BEND3: variants seen among roughly 807,000 people sequenced by gnomAD.
BEND3 encodes the protein BEN domain containing 3.
BEND3 carries 13 observed loss-of-function variants against 60.1 expected under a neutral mutation model. The observed-to-expected ratio is 0.22, with a 90% CI of 0.14 to 0.34. BEND3 has a LOEUF of 0.34. Ranked by LOEUF, BEND3 falls within the 10% of genes least tolerant of loss-of-function variation. The probability of loss-of-function intolerance (pLI) is 1.00; values close to 1 mark genes in which losing one functional copy is unlikely to be tolerated. For missense variants in BEND3, 896 were observed against 1,138.1 expected (o/e 0.79, Z 3.06); for synonymous variants, 497 against 491.5 (o/e 1.01, Z -0.15).
At chr6:107,105,795 G>A (rs2115035097) in intron 1 of BEND3, among the ~76,000 whole-genome samples, 1 of 152,322 alleles carries the variant, frequency 6.6e-6, no homozygotes. Flanking sequence ...GCCAGTCCAG[G>A]AAGACCTGGC....
At chr6:107,095,391 G>C (rs1775564078) in intron 3 of BEND3, among the ~76,000 whole-genome samples, 1 of 152,088 alleles carries the variant, frequency 6.6e-6, no homozygotes, top group Non-Finnish European at 1.5e-5. Context: ...ATACCTATTA[G>C]AATGGTCAAA....
At chr6:107,077,479 G>C (rs1775124293) in intron 3 of BEND3, among the ~76,000 whole-genome samples, 1 of 152,150 alleles carries the variant, frequency 6.6e-6, no homozygotes, top group Non-Finnish European at 1.5e-5. Context: ...GCCAGACACA[G>C]TCTCTGCTCT....
At chr6:107,092,041 G>A (rs1665909) in intron 3 of BEND3, among the ~76,000 whole-genome samples, 47,243 of 151,956 alleles carry the variant, frequency 0.31, 7,567 homozygotes, top group Admixed American at 0.39. Flanking sequence ...CGGACTGCCT[G>A]AGCTCAGGAG....
At chr6:107,099,418 A>T in intron 1 of BEND3, 122 bp from the exon 2 acceptor site, 3 of 786,242 alleles carry the variant, frequency 3.8e-6, no homozygotes, top group South Asian at 1.7e-5. Context: ...GCAGCACAGC[A>T]CTGTGGAAGC....
At chr6:107,112,318 G>A (rs1770122274) in intron 1 of BEND3, among the ~76,000 whole-genome samples, 1 of 152,152 alleles carries the variant, frequency 6.6e-6, no homozygotes. Flanking sequence ...TGGACATTCT[G>A]CTATGCTTCT....
intron 1 of BEND3, among the ~76,000 whole-genome samples, chr6:107,111,242 G>A (rs1454661229): frequency 2.6e-5 from 4 of 152,028 alleles, no homozygotes; most frequent in African/African-American, 9.7e-5. Flanking sequence ...TAGGCGTGGT[G>A]GCTCACGCCT....
At chr6:107,094,265 T>C (rs575525079) in intron 3 of BEND3, among the ~76,000 whole-genome samples, 3 of 151,908 alleles carry the variant, frequency 2.0e-5, no homozygotes, top group Non-Finnish European at 4.4e-5. Context: ...AAAAAAGCTA[T>C]ACTGCTGGCA....
rs1459019898 is a variant in BEND3, at chr6:107,098,570, C to T, written c.221G>A (p.Arg74Lys). The T allele has an allele frequency of 1.9e-5, 30 of 1,613,050 alleles. No individual in the cohort carries two copies. Among genetic ancestry groups the T allele is most frequent in the Non-Finnish European group, 2.5e-5 (29 of 1,180,040 alleles). ...GLLDSVPGVK[R>K]RRLIPEALLA... is the part of the protein sequence containing the mutation. Reference sequence around the variant, plus strand: ...CCTCACCTCGGGGATCAGCCGCCTCCTCTTCACGCCGGGGACAGAGTCTAG... The same window carrying T: ...CCTCACCTCGGGGATCAGCCGCCTCTTCTTCACGCCGGGGACAGAGTCTAG... Residue 74 changes from arginine to lysine, a missense_variant, in exon 3 of 4, where the codon AGG becomes AAG. Physicochemically the swap from Arg to Lys is conservative, Grantham distance 26. This residue lies in a region of BEND3 where 846 missense variants were observed against 1,036.7 expected (regional missense o/e 0.82). Transcript: ENST00000369042.
Position 107,109,597 on chromosome 6 carries a change from G to C in BEND3, c.-12+5493C>G, listed in dbSNP as rs530612913. On this transcript the variant is annotated intron_variant, in intron 1 of 3. Transcript: ENST00000369042. ...CTATAAAAAATACAAAAAAATTGCC[G>C]GCACGGTCGCTCACGCCTGTAGCCC... 2.6e-4 allele frequency among the ~76,000 whole-genome samples: 40 copies of C among 151,968 alleles called. No individual in the cohort carries two copies. In the South Asian group the frequency reaches 2.7e-3, roughly 10 times the overall value.
At chr6:107,082,812 C>T (rs1181333626) in intron 3 of BEND3, among the ~76,000 whole-genome samples, 3 of 152,212 alleles carry the variant, frequency 2.0e-5, no homozygotes, top group African/African-American at 7.2e-5. Flanking sequence ...ATACACTAAA[C>T]TTTGTCTTTC....
At chr6:107,106,878 G>C (rs1775826488) in intron 1 of BEND3, among the ~76,000 whole-genome samples, 1 of 151,942 alleles carries the variant, frequency 6.6e-6, no homozygotes, top group East Asian at 1.9e-4. Flanking sequence ...AAAGTGCTGG[G>C]ATTTCAGATG....
rs1432895970 is a variant in BEND3 at position 107,069,914 on chromosome 6, C to T, written c.1277G>A (p.Arg426His). ...GCAGCTGTACTGTTCACCCAGCTTGCGGTGGTCGAAGAGCTCGGGGAAGAG... is the reference window on the plus strand; with the variant it reads ...GCAGCTGTACTGTTCACCCAGCTTGTGGTGGTCGAAGAGCTCGGGGAAGAG... Reference protein sequence around the residue: ...HRLFPELFDHRKLGEQYSCYG... With the variant: ...HRLFPELFDHHKLGEQYSCYG... Residue 426 changes from arginine to histidine, a missense_variant, in exon 4 of 4, where the codon CGC (arginine) becomes CAC (histidine). Arg to His is a conservative substitution (Grantham distance 29). This residue lies in a region of BEND3 where 846 missense variants were observed against 1,036.7 expected (regional missense o/e 0.82). Coordinates refer to ENST00000369042, the MANE Select transcript of BEND3 (RefSeq NM_001367314.1). 9.3e-6 allele frequency: 15 copies of T among 1,613,752 alleles called. No individual in the cohort carries two copies. Among genetic ancestry groups the T allele is most frequent in the East Asian group, 2.2e-5 (1 of 44,840 alleles).
intron 3 of BEND3, among the ~76,000 whole-genome samples, chr6:107,078,985 T>A (rs1252311791): frequency 2.6e-5 from 4 of 151,932 alleles, no homozygotes; most frequent in African/African-American, 9.7e-5. Flanking sequence ...ACGCCCCCAT[T>A]TCTATCCTGT....
At chr6:107,074,350 G>A (rs562377972) in intron 3 of BEND3, among the ~76,000 whole-genome samples, 16 of 152,186 alleles carry the variant, frequency 1.1e-4, no homozygotes, top group South Asian at 6.2e-4. Context: ...GGGAGGCGGA[G>A]GTTGCAGTGA....
At chr6:107,085,997 C>T (rs1159076341) in intron 3 of BEND3, among the ~76,000 whole-genome samples, 2 of 151,760 alleles carry the variant, frequency 1.3e-5, no homozygotes, top group Non-Finnish European at 2.9e-5. Flanking sequence ...CTGTGTTAGC[C>T]AGGATGGTCT....
At chr6:107,098,996 G>C (rs531451487) in intron 2 of BEND3, among the ~76,000 whole-genome samples, 1 of 151,946 alleles carries the variant, frequency 6.6e-6, no homozygotes, top group Non-Finnish European at 1.5e-5. Flanking sequence ...ATCTTTTTTT[G>C]GGGGGGAAGA....
At chr6:107,089,144 A>C (rs1775418066) in intron 3 of BEND3, among the ~76,000 whole-genome samples, 1 of 152,160 alleles carries the variant, frequency 6.6e-6, no homozygotes, top group African/African-American at 2.4e-5. Flanking sequence ...TCTCAAAAAA[A>C]AAAAAAAGTG....
In BEND3 at chr6:107,065,351, AT is replaced by A. The variant is rs1425127619; in HGVS notation, c.*3352del. 12 of 152,544 alleles carry A rather than the reference AT, an allele frequency of 7.9e-5. No individual in the cohort carries two copies. The highest frequency in any genetic ancestry group is 4.4e-5 in the Non-Finnish European group (3 of 68,022). 9.4% of individuals were successfully genotyped at this position (152,544 alleles called of 1,614,324 possible). ...TGGTAAAATGCAGACATGATGCGAG[AT>A]TTCATTATCTTTGGTAAAACTATTC... On this transcript the variant is annotated 3_prime_UTR_variant, in exon 4 of 4. Coordinates refer to ENST00000369042, the MANE Select transcript of BEND3 (RefSeq NM_001367314.1).
chr6:107,095,019 T>C (rs531871872), intron 3 of BEND3, among the ~76,000 whole-genome samples: 1 of 151,812 alleles, frequency 6.6e-6, no homozygotes, highest in Non-Finnish European at 1.5e-5. Context: ...GACAAGGTTT[T>C]GCCATATTGC....
Sources: gnomAD v4.1 joint callset for allele counts (sites outside exome capture counted in the v4.1 genomes callset) on GRCh38, gnomAD v4.1.1 for gene constraint, gnomAD v4.1.1 regional missense constraint, MANE v1.5 for transcripts, NCBI Gene and HGNC (gene_info 2026-07-23, HGNC 2026-07-21) for gene names.